The following MOXD1 variants were observed in gnomAD, a reference collection of about 807,000 sequenced individuals.
The protein encoded by MOXD1 is monooxygenase DBH like 1.
In MOXD1, 62 loss-of-function variants were observed where a neutral mutation model predicts 66.6. That is an observed-to-expected ratio of 0.93 (90% confidence interval 0.76 to 1.15). The LOEUF (loss-of-function observed/expected upper bound fraction) is 1.15, where lower values mean the gene tolerates loss of function less well. Among genes scored for constraint, MOXD1 ranks in the 50% most tolerant of loss-of-function variants. MOXD1 has a pLI of 0.00. For synonymous variants in MOXD1, 303 were observed against 281.9 expected (o/e 1.07, Z -0.75); for missense variants, 847 against 754.6 (o/e 1.12, Z -1.44).
chr6:132,382,911 G>A (rs1279180569), intron 1 of MOXD1, among the ~76,000 whole-genome samples: 1 of 152,078 alleles, frequency 6.6e-6, no homozygotes, highest in Non-Finnish European at 1.5e-5. Context: ...CTCACTCATT[G>A]TCAGTCTATT....
chr6:132,353,786 C>A (rs1264192538), intron 4 of MOXD1, among the ~76,000 whole-genome samples: 1 of 152,182 alleles, frequency 6.6e-6, no homozygotes, highest in African/African-American at 2.4e-5. Context: ...TTTTCTTCCT[C>A]AGGAATACCT....
At chr6:132,349,466 CATATATATATATATACATAT>C (rs1562290120) in intron 4 of MOXD1, among the ~76,000 whole-genome samples, 7 of 12,160 alleles carry the variant, frequency 5.8e-4, no homozygotes, top group Non-Finnish European at 9.7e-4. Flanking sequence ...TATATATATA[CATATATATATATATACATAT>C]ATATATATAC....
At chr6:132,358,168 G>A (rs1775945082) in intron 4 of MOXD1, among the ~76,000 whole-genome samples, 1 of 152,164 alleles carries the variant, frequency 6.6e-6, no homozygotes. Flanking sequence ...TTGAAATCAG[G>A]TCTATGTGAC....
chr6:132,317,735 T>C (rs1362327415), intron 9 of MOXD1, among the ~76,000 whole-genome samples: 5 of 152,110 alleles, frequency 3.3e-5, no homozygotes. Context: ...ACATAAGGCA[T>C]GAGAAAAAAA....
intron 10 of MOXD1, among the ~76,000 whole-genome samples, chr6:132,300,341 C>T (rs1256022923): frequency 6.6e-6 from 1 of 152,112 alleles, no homozygotes; most frequent in African/African-American, 2.4e-5. Flanking sequence ...ATTATATTTG[C>T]ATACAATGTC....
chr6:132,396,573 G>A (rs1051401619), intron 1 of MOXD1, among the ~76,000 whole-genome samples: 1 of 148,878 alleles, frequency 6.7e-6, no homozygotes, highest in African/African-American at 2.5e-5. Flanking sequence ...AAAATACAAA[G>A]GATCAATAAA....
At position 132,322,861 on chromosome 6, in the gene MOXD1, C is replaced by A; in HGVS notation, c.1123G>T (p.Ala375Ser). The A allele has an allele frequency of 6.2e-7, 1 of 1,612,730 alleles. No homozygotes were observed. The highest frequency in any genetic ancestry group is 2.2e-5 in the East Asian group (1 of 44,850). The change falls in exon 8 of 12, where the codon GCC becomes TCC. Residue 375 changes from alanine (A) to serine (S), a missense_variant. By Grantham distance (99) the Ala-to-Ser change is moderately conservative (BLOSUM62 1). Coordinates refer to ENST00000367963, the MANE Select transcript of MOXD1 (RefSeq NM_015529.4). Reference protein sequence around the residue: ...TLECLEEALEAEKPSGIHVFA... With the variant: ...TLECLEEALESEKPSGIHVFA... The stretch of plus-strand genomic sequence containing the variant: ...ACATGAATTCCACTTGGCTTTTCGG[C>A]TTCCAGAGCCTACAGGAGACACCGA...
chr6:132,380,537 T>A (rs1776486544), intron 1 of MOXD1, among the ~76,000 whole-genome samples: 1 of 152,240 alleles, frequency 6.6e-6, no homozygotes, highest in Non-Finnish European at 1.5e-5. Flanking sequence ...TTTTCTTTGA[T>A]CATTCCAACC....
At chr6:132,374,432 G>A (rs560689751) in intron 2 of MOXD1, among the ~76,000 whole-genome samples, 199 bp downstream of exon 2, 25 of 151,342 alleles carry the variant, frequency 1.7e-4, no homozygotes, top group African/African-American at 5.8e-4. Flanking sequence ...GGATTTTATT[G>A]AAATTTTTGG....
In MOXD1 at chr6:132,327,891, C is replaced by T. The variant is rs537877252; in HGVS notation, c.946+122G>A. 3.8e-5 allele frequency: 27 copies of T among 708,018 alleles called. No homozygotes were observed. In the African/African-American group the frequency reaches 4.4e-4, roughly 11 times the overall value. 43.9% of individuals were successfully genotyped at this position (708,018 alleles called of 1,614,324 possible). A position where few individuals can be genotyped will look rare whatever the true frequency, so the allele number is the denominator to read the frequency against. On this transcript the variant is annotated intron_variant, in intron 6 of 11. Transcript: ENST00000367963. ...TTAAAAAGTATCCTAATTTGAATGA[C>T]AAATATATAGGTTAATTCCTTCTAA...
intron 3 of MOXD1, 64 bp downstream of exon 3, chr6:132,372,765 CA>C: frequency 9.3e-6 from 15 of 1,608,186 alleles, no homozygotes; most frequent in Non-Finnish European, 1.3e-5. Context: ...ATAATGTAAG[CA>C]AAAATGCTCG....
At chr6:132,385,874 C>A (rs535622313) in intron 1 of MOXD1, among the ~76,000 whole-genome samples, 3 of 151,902 alleles carry the variant, frequency 2.0e-5, no homozygotes, top group East Asian at 2.0e-4. Context: ...GAGGCTGAGG[C>A]GGGCGGATCA....
chr6:132,370,927 A>C (rs1776251290), intron 4 of MOXD1, among the ~76,000 whole-genome samples: 1 of 152,170 alleles, frequency 6.6e-6, no homozygotes, highest in Admixed American at 6.6e-5. Context: ...AATATCCTAC[A>C]TAGAGGGTTG....
rs752060671 is a variant in MOXD1 at position 132,372,688 on chromosome 6, G to A, written c.583C>T (p.Pro195Ser). Residue 195 changes from proline to serine, a missense_variant, in exon 4 of 12, where the codon CCC (proline) becomes TCC (serine). Coordinates refer to ENST00000367963, the MANE Select transcript of MOXD1 (RefSeq NM_015529.4). ...TATGTTGTATCTTTGTTTGGGATGG[G>A]GACCTGTCTTAATAAAAAGGGGAGG... ...PYFDLVNQDV[P>S]IPNKDTTYWC... 33 of 1,613,364 alleles carry A rather than the reference G, an allele frequency of 2.0e-5. No homozygotes were observed. Among genetic ancestry groups the A allele is most frequent in the Non-Finnish European group, 2.6e-5 (31 of 1,179,598 alleles).
chr6:132,340,202 T>G (rs1042469118), intron 4 of MOXD1, among the ~76,000 whole-genome samples: 4 of 152,168 alleles, frequency 2.6e-5, no homozygotes, highest in African/African-American at 9.6e-5. Context: ...GCTCTTGAAA[T>G]ATCATGAACC....
intron 4 of MOXD1, among the ~76,000 whole-genome samples, chr6:132,351,239 G>A (rs1382662509): frequency 2.0e-5 from 3 of 152,020 alleles, no homozygotes; most frequent in African/African-American, 7.2e-5. Flanking sequence ...GGGAATGCTT[G>A]CAACTTTTCC....
At position 132,297,186 on chromosome 6, in the gene MOXD1, T is replaced by C. The variant is rs1189082757; in HGVS notation, c.1809A>G (p.Leu603=). 8 of 1,613,290 alleles carry C rather than the reference T, an allele frequency of 5.0e-6. No homozygotes were observed. In the African/African-American group the frequency reaches 1.1e-4, roughly 22 times the overall value. The change falls in exon 12 of 12, where the codon CTA becomes CTG. Residue 603 remains leucine (L), a synonymous_variant. Transcript: ENST00000367963. ...FSINLLVCLL[L]LSCTLSTKSL is the part of the protein sequence containing the mutation. ...TCTTGGTGCTCAGCGTGCAGCTGAG[T>C]AGCAGAAGGCAAACAAGCAAGTTGA...
chr6:132,314,134 C>T (rs1408471331), intron 10 of MOXD1, among the ~76,000 whole-genome samples: 1 of 152,148 alleles, frequency 6.6e-6, no homozygotes, highest in Non-Finnish European at 1.5e-5. Context: ...ATATCCAAAA[C>T]AGAATTCTCA....
intron 1 of MOXD1, among the ~76,000 whole-genome samples, chr6:132,395,163 G>GA (rs549569359): frequency 3.4e-4 from 51 of 151,634 alleles, no homozygotes; most frequent in Admixed American, 9.2e-4. Flanking sequence ...ATGCTGAAAG[G>GA]AAAAAAAACT....
Sources: gnomAD v4.1 joint callset for allele counts (sites outside exome capture counted in the v4.1 genomes callset) on GRCh38, gnomAD v4.1.1 for gene constraint, MANE v1.5 for transcripts, NCBI Gene and HGNC (gene_info 2026-07-23, HGNC 2026-07-21) for gene names.